Variants in IPP observed in about 807,000 individuals in gnomAD.
IPP encodes actin-binding protein IPP.
IPP carries 41 observed loss-of-function variants against 64.1 expected under a neutral mutation model. That is an observed-to-expected ratio of 0.64 (90% confidence interval 0.50 to 0.83). The LOEUF is 0.83. Ranked by LOEUF, IPP falls within the 40% of genes least tolerant of loss-of-function variation. The pLI is 0.00. For missense variants in IPP, 649 were observed against 703.0 expected (o/e 0.92, Z 0.87); for synonymous variants, 214 against 235.2 (o/e 0.91, Z 0.83).
chr1:45,709,411 C>T (rs373401988), intron 8 of IPP, among the ~76,000 whole-genome samples: 3,035 of 120,132 alleles, frequency 0.025, 122 homozygotes, highest in African/African-American at 0.095. Context: ...CCAGCCTGGG[C>T]GACAGAGCAA....
chr1:45,730,357 T>TAA (rs35622578), intron 3 of IPP, among the ~76,000 whole-genome samples: 2 of 106,344 alleles, frequency 1.9e-5, no homozygotes, highest in African/African-American at 6.9e-5. Context: ...GTCTCAAAAA[T>TAA]AAAAAAAAAA....
intron 8 of IPP, among the ~76,000 whole-genome samples, chr1:45,710,329 CAT>C (rs1645573342): frequency 7.9e-6 from 1 of 127,046 alleles, no homozygotes; most frequent in Admixed American, 8.3e-5. Context: ...AAATAGTAAA[CAT>C]ATGGGTAATT....
rs71500090 is a variant in IPP at position 45,710,944 on chromosome 1, G to A, written c.1530+3302C>T. On this transcript the variant is annotated intron_variant, in intron 8 of 8. Coordinates refer to ENST00000396478, the MANE Select transcript of IPP (RefSeq NM_005897.3). ...TAAGACAGGAGAATTGCTTGAACCC[G>A]GGAGGCGGAGGTTGCAGTGAGCTGA... Among the ~76,000 whole-genome samples, 8 of 898 alleles carry A rather than the reference G, an allele frequency of 8.9e-3. 1 individual carries two copies. The highest frequency in any genetic ancestry group is 0.022 in the Non-Finnish European group (3 of 138). The allele number at this position is 898 out of a possible 152,430, so 0.6% of individuals were successfully genotyped here.
chr1:45,736,916 G>A (rs1262382996), intron 3 of IPP, among the ~76,000 whole-genome samples: 2 of 151,626 alleles, frequency 1.3e-5, no homozygotes, highest in African/African-American at 2.4e-5. Context: ...GGTGGCGGGC[G>A]CCCGTAGTCC....
downstream of IPP, among the ~76,000 whole-genome samples, chr1:45,696,286 C>T (rs1253861472): frequency 6.6e-6 from 1 of 152,142 alleles, no homozygotes. Flanking sequence ...GATTGTTAAA[C>T]ATTTTGGAGG....
At chr1:45,747,864 A>C (rs1031804670) in intron 1 of IPP, among the ~76,000 whole-genome samples, 13 of 142,540 alleles carry the variant, frequency 9.1e-5, no homozygotes, top group African/African-American at 3.4e-4. Flanking sequence ...AAAAAAAAAA[A>C]AAACCATGAG....
chr1:45,727,100 A>G (rs1225011955), intron 5 of IPP, among the ~76,000 whole-genome samples: 2 of 152,074 alleles, frequency 1.3e-5, no homozygotes, highest in Non-Finnish European at 2.9e-5. Context: ...CCCAGGCTGG[A>G]GTACAGTGGC....
intron 3 of IPP, among the ~76,000 whole-genome samples, chr1:45,736,515 A>C (rs960231617): frequency 6.6e-6 from 1 of 152,086 alleles, no homozygotes; most frequent in African/African-American, 2.4e-5. Flanking sequence ...ATTTTTCTAC[A>C]CAAGTTGCTT....
rs537944190 is a variant in IPP at position 45,707,195 on chromosome 1, G to A, written c.1531-7005C>T. Among the ~76,000 whole-genome samples, 40 of 152,250 alleles carry A rather than the reference G, an allele frequency of 2.6e-4. 1 individual carries two copies. In the South Asian group the frequency reaches 6.4e-3, roughly 24 times the overall value. ...TCCCAGCACTTTCGGAGGCCGAGGC[G>A]GGTGGATCATGAGGTCAGGAGATCG... On this transcript the variant is annotated intron_variant, in intron 8 of 8. Transcript: ENST00000396478.
intron 8 of IPP, among the ~76,000 whole-genome samples, chr1:45,712,636 T>A (rs1354553815): frequency 6.6e-6 from 1 of 151,646 alleles, no homozygotes; most frequent in Non-Finnish European, 1.5e-5. Flanking sequence ...GGCAGGAAGA[T>A]CACGAGGTCA....
intron 2 of IPP, among the ~76,000 whole-genome samples, chr1:45,741,671 C>T (rs1411978276): frequency 2.4e-5 from 3 of 123,408 alleles, no homozygotes; most frequent in African/African-American, 8.7e-5. Flanking sequence ...CTCTTTAGCC[C>T]AGGCCGGATT....
chr1:45,704,745 G>A (rs1438094428), intron 8 of IPP, among the ~76,000 whole-genome samples: 1 of 152,140 alleles, frequency 6.6e-6, no homozygotes, highest in Non-Finnish European at 1.5e-5. Flanking sequence ...TTTACTGAGG[G>A]TGGCTATGAG....
intron 5 of IPP, among the ~76,000 whole-genome samples, chr1:45,722,471 G>A (rs1645746551): frequency 6.6e-6 from 1 of 152,004 alleles, no homozygotes; most frequent in Non-Finnish European, 1.5e-5. Context: ...CTTGAATCCA[G>A]GAGGCAGAGG....
chr1:45,700,404 C>T (rs1033295633), intron 8 of IPP, among the ~76,000 whole-genome samples: 2 of 151,406 alleles, frequency 1.3e-5, no homozygotes, highest in Non-Finnish European at 2.9e-5. Context: ...TGCACAGCAA[C>T]GATCTCGGCT....
intron 6 of IPP, 43 bp downstream of exon 6, chr1:45,719,160 C>G (rs1453317212): frequency 1.3e-6 from 2 of 1,594,226 alleles, no homozygotes; most frequent in African/African-American, 2.7e-5. Flanking sequence ...ATTAAAAATA[C>G]ATAAACAATA....
intron 3 of IPP, among the ~76,000 whole-genome samples, chr1:45,734,990 G>A (rs937299997): frequency 6.6e-6 from 1 of 152,186 alleles, no homozygotes; most frequent in African/African-American, 2.4e-5. Context: ...ATGTTGGCCA[G>A]GCTGGTCTAG....
intron 3 of IPP, among the ~76,000 whole-genome samples, chr1:45,736,707 C>G (rs1273891698): frequency 1.3e-5 from 2 of 152,026 alleles, no homozygotes; most frequent in Non-Finnish European, 2.9e-5. Context: ...ATTAGACACT[C>G]TCACTGTGTC....
chr1:45,703,958 G>A (rs1288017685), intron 8 of IPP, among the ~76,000 whole-genome samples: 1 of 152,178 alleles, frequency 6.6e-6, no homozygotes, highest in Non-Finnish European at 1.5e-5. Context: ...CTGTATTTGT[G>A]AATGAATAAA....
chr1:45,712,879 ATAT>A (rs1227614792), intron 8 of IPP, among the ~76,000 whole-genome samples: 31 of 126,638 alleles, frequency 2.4e-4, no homozygotes, highest in African/African-American at 9.0e-4. Context: ...AAAAAAAAAA[ATAT>A]ATATATATAT....
Sources: gnomAD v4.1 joint callset for allele counts (sites outside exome capture counted in the v4.1 genomes callset) on GRCh38, gnomAD v4.1.1 for gene constraint, MANE v1.5 for transcripts, NCBI Gene and HGNC (gene_info 2026-07-23, HGNC 2026-07-21) for gene names.